Variants in LRRC4C observed in about 807,000 individuals in gnomAD.
LRRC4C encodes the protein leucine-rich repeat-containing protein 4C.
A neutral mutation model predicts 33.6 loss-of-function variants in LRRC4C; 5 were observed. That is an observed-to-expected ratio of 0.15 (90% CI 0.08 to 0.31). LRRC4C has a LOEUF of 0.31. Among genes scored for constraint, LRRC4C ranks in the 10% least tolerant of loss-of-function variants. The probability of loss-of-function intolerance (pLI) is 1.00; values close to 1 mark genes in which losing one functional copy is unlikely to be tolerated. For synonymous variants in LRRC4C, 329 were observed against 302.0 expected (o/e 1.09, Z -0.93); for missense variants, 560 against 796.7 (o/e 0.70, Z 3.58).
intron 1 of LRRC4C, among the ~76,000 whole-genome samples, chr11:41,098,173 C>T (rs1045750240): frequency 1.4e-4 from 21 of 152,058 alleles, no homozygotes; most frequent in African/African-American, 4.1e-4. Flanking sequence ...TTCCCCCAAA[C>T]TCCAAGTCTC....
intron 2 of LRRC4C, among the ~76,000 whole-genome samples, chr11:40,773,851 A>C (rs1348171512): frequency 6.6e-6 from 1 of 152,066 alleles, no homozygotes; most frequent in Admixed American, 6.6e-5. Context: ...ATACAGCATA[A>C]ATTTATTCAA....
At chr11:41,319,049 G>A (rs1950877808) in intron 1 of LRRC4C, among the ~76,000 whole-genome samples, 1 of 152,194 alleles carries the variant, frequency 6.6e-6, no homozygotes, top group Admixed American at 6.5e-5. Flanking sequence ...AGAATATGTG[G>A]TTGGGCACCA....
Position 40,733,061 on chromosome 11 carries a change from G to GTTTT in LRRC4C, c.-406-84787_-406-84784dup, listed in dbSNP as rs544471413. 1.4e-3 allele frequency among the ~76,000 whole-genome samples: 78 copies of GTTTT among 57,640 alleles called. 10 individuals are homozygous for GTTTT. The highest frequency in any genetic ancestry group is 1.9e-3 in the Non-Finnish European group (62 of 33,440). The allele number at this position is 57,640 out of a possible 152,430, so 37.8% of individuals were successfully genotyped here. A position where few individuals can be genotyped will look rare whatever the true frequency, so the allele number is the denominator to read the frequency against. On this transcript the variant is annotated intron_variant, in intron 2 of 6. Coordinates refer to ENST00000528697, the MANE Select transcript of LRRC4C (RefSeq NM_001258419.2). ...GGATCCAAAACCAGTTATGAATATA[G>GTTTT]TTTTTTTTTTTTTTTTTTTTTTTTT...
At chr11:41,020,171 G>A (rs1457526972) in intron 1 of LRRC4C, among the ~76,000 whole-genome samples, 1 of 152,034 alleles carries the variant, frequency 6.6e-6, no homozygotes, top group Non-Finnish European at 1.5e-5. Flanking sequence ...TTTGTTTTGT[G>A]AATGGAATTA....
chr11:40,950,075 G>C (rs957137830), intron 1 of LRRC4C, among the ~76,000 whole-genome samples: 18 of 151,904 alleles, frequency 1.2e-4, no homozygotes, highest in African/African-American at 4.1e-4. Context: ...TAACTTTCCA[G>C]TAATAGAGGT....
chr11:40,635,621 G>T (rs369423940), intron 3 of LRRC4C, among the ~76,000 whole-genome samples: 3 of 134,034 alleles, frequency 2.2e-5, no homozygotes, highest in Non-Finnish European at 3.2e-5. Context: ...AATTGAAAAA[G>T]AACCAAATTT....
At chr11:40,700,355 G>T (rs1430437259) in intron 2 of LRRC4C, among the ~76,000 whole-genome samples, 1 of 151,832 alleles carries the variant, frequency 6.6e-6, no homozygotes, top group East Asian at 1.9e-4. Context: ...TAAGCATTTT[G>T]GTGTATAAAA....
intron 2 of LRRC4C, among the ~76,000 whole-genome samples, chr11:40,738,330 G>T (rs1207752848): frequency 6.6e-6 from 1 of 152,034 alleles, no homozygotes; most frequent in East Asian, 1.9e-4. Context: ...TTTGCAGATG[G>T]CCTTTTGTGG....
chr11:40,143,163 T>A (rs1857489816), intron 5 of LRRC4C, among the ~76,000 whole-genome samples: 1 of 152,198 alleles, frequency 6.6e-6, no homozygotes, highest in South Asian at 2.1e-4. Flanking sequence ...TTCTGTTTTT[T>A]TCTCCAAACA....
intron 3 of LRRC4C, among the ~76,000 whole-genome samples, chr11:40,500,152 G>T (rs1348506654): frequency 5.3e-5 from 8 of 151,806 alleles, no homozygotes; most frequent in Non-Finnish European, 1.0e-4. Context: ...GTACGTAACT[G>T]GGGATGAGTT....
At chr11:41,353,916 C>A (rs1009886210) in intron 1 of LRRC4C, among the ~76,000 whole-genome samples, 5 of 151,944 alleles carry the variant, frequency 3.3e-5, no homozygotes, top group African/African-American at 1.2e-4. Flanking sequence ...CCACAGCCAA[C>A]ATCATACTGA....
At chr11:41,093,073 G>A (rs990999875) in intron 1 of LRRC4C, among the ~76,000 whole-genome samples, 1 of 152,154 alleles carries the variant, frequency 6.6e-6, no homozygotes, top group Non-Finnish European at 1.5e-5. Context: ...CACACCCATA[G>A]AGTAATCTGT....
intron 1 of LRRC4C, among the ~76,000 whole-genome samples, chr11:41,145,518 A>T (rs534269040): frequency 8.4e-6 from 1 of 119,708 alleles, no homozygotes; most frequent in South Asian, 2.4e-4. Flanking sequence ...TATATTGCCT[A>T]TGGCTGCTTT....
chr11:40,621,501 C>G (rs193083734), intron 3 of LRRC4C, among the ~76,000 whole-genome samples: 1 of 151,122 alleles, frequency 6.6e-6, no homozygotes, highest in African/African-American at 2.4e-5. Context: ...AAACCCTATA[C>G]TGTTATAAAA....
intron 1 of LRRC4C, among the ~76,000 whole-genome samples, chr11:40,939,764 A>G (rs1255325835): frequency 2.0e-5 from 3 of 152,094 alleles, no homozygotes; most frequent in Non-Finnish European, 2.9e-5. Context: ...TCCTGAGTAA[A>G]TGTTTCCAGT....
chr11:40,891,597 T>C (rs1017375936), intron 2 of LRRC4C, among the ~76,000 whole-genome samples: 2 of 152,224 alleles, frequency 1.3e-5, no homozygotes, highest in Admixed American at 6.5e-5. Context: ...GCAGAGGATC[T>C]AAATAGATAT....
intron 1 of LRRC4C, among the ~76,000 whole-genome samples, chr11:41,080,936 C>T (rs140883306): frequency 6.8e-4 from 103 of 152,230 alleles, no homozygotes; most frequent in Middle Eastern, 3.4e-3. Flanking sequence ...TTGTTTTACC[C>T]TAATAATTCA....
intron 1 of LRRC4C, among the ~76,000 whole-genome samples, chr11:40,935,582 GT>G (rs1384723108): frequency 6.6e-6 from 1 of 152,020 alleles, no homozygotes; most frequent in Non-Finnish European, 1.5e-5. Flanking sequence ...TGGTGTACAG[GT>G]TTGTAGCCTG....
At chr11:41,074,587 G>A (rs1938966115) in intron 1 of LRRC4C, among the ~76,000 whole-genome samples, 1 of 152,178 alleles carries the variant, frequency 6.6e-6, no homozygotes, top group South Asian at 2.1e-4. Flanking sequence ...TATAGTGAGA[G>A]CTTTGAGCTC....
Sources: gnomAD v4.1 joint callset for allele counts (sites outside exome capture counted in the v4.1 genomes callset) on GRCh38, gnomAD v4.1.1 for gene constraint, MANE v1.5 for transcripts, NCBI Gene and HGNC (gene_info 2026-07-23, HGNC 2026-07-21) for gene names.